The following NCKAP5 variants were observed in gnomAD, a reference collection of about 807,000 sequenced individuals.
NCKAP5 encodes NCK associated protein 5, also known as nck-associated protein 5.
A neutral mutation model predicts 167.0 loss-of-function variants in NCKAP5; 92 were observed. That is an observed-to-expected ratio of 0.55 (90% confidence interval 0.47 to 0.66). NCKAP5 has a LOEUF of 0.66. NCKAP5 is among the 30% of genes least tolerant of loss of function. The pLI, the probability that NCKAP5 is intolerant of heterozygous loss-of-function variation, is 0.00. For synonymous variants in NCKAP5, 891 were observed against 877.4 expected, an observed-to-expected ratio of 1.02 and a Z score of -0.27; for missense variants, 2,378 against 2,315.0, an observed-to-expected ratio of 1.03 and a Z score of -0.56.
chr2:132,952,943 T>C (rs1338248606), intron 8 of NCKAP5, among the ~76,000 whole-genome samples: 1 of 152,174 alleles, frequency 6.6e-6, no homozygotes, highest in East Asian at 1.9e-4. Context: ...AGCTTCACTG[T>C]GGAAAGTGAA....
At chr2:132,758,015 C>T (rs530543250) in intron 16 of NCKAP5, among the ~76,000 whole-genome samples, 10 of 152,326 alleles carry the variant, frequency 6.6e-5, no homozygotes, top group African/African-American at 2.2e-4. Flanking sequence ...AAACTTCCCC[C>T]TTTCCTCCAC....
chr2:132,932,922 T>C (rs1003987165), intron 8 of NCKAP5, among the ~76,000 whole-genome samples: 2 of 93,752 alleles, frequency 2.1e-5, no homozygotes, highest in Non-Finnish European at 3.4e-5. Context: ...TATCCTCTAC[T>C]TTTTTTTTTT....
intron 3 of NCKAP5, among the ~76,000 whole-genome samples, chr2:133,455,670 C>A (rs1691804878): frequency 2.0e-5 from 3 of 152,016 alleles, no homozygotes; most frequent in African/African-American, 7.2e-5. Context: ...AATACCATCA[C>A]CATATATTAA....
chr2:133,515,236 C>G (rs960549428), intron 3 of NCKAP5, among the ~76,000 whole-genome samples: 7 of 152,200 alleles, frequency 4.6e-5, no homozygotes, highest in Non-Finnish European at 1.0e-4. Flanking sequence ...AAAGAATACT[C>G]TAGCTGCTAT....
At chr2:133,168,280 ATTTTTTTT>A (rs35632445) in intron 5 of NCKAP5, among the ~76,000 whole-genome samples, 9 of 126,010 alleles carry the variant, frequency 7.1e-5, no homozygotes, top group African/African-American at 2.8e-4. Context: ...AACTGATAAC[ATTTTTTTT>A]TTTTTTTTTT....
the NCKAP5 span, among the ~76,000 whole-genome samples, chr2:133,654,105 T>C: frequency 2.0e-5 from 3 of 152,204 alleles, no homozygotes; most frequent in African/African-American, 7.2e-5. Context: ...ATTCCTCAGC[T>C]GGGCGCGCTG....
chr2:132,775,933 G>A (rs1249251572), intron 15 of NCKAP5, among the ~76,000 whole-genome samples: 1 of 152,072 alleles, frequency 6.6e-6, no homozygotes, highest in East Asian at 1.9e-4. Context: ...AAACCTGTTG[G>A]ACTGTCAGTA....
At chr2:132,675,306 C>A (rs1328097084) in intron 19 of NCKAP5, among the ~76,000 whole-genome samples, 1 of 152,172 alleles carries the variant, frequency 6.6e-6, no homozygotes, top group African/African-American at 2.4e-5. Context: ...TACAAGCATC[C>A]TTCTTCAGGT....
At chr2:133,087,774 T>A (rs1382093139) in intron 6 of NCKAP5, among the ~76,000 whole-genome samples, 1 of 152,184 alleles carries the variant, frequency 6.6e-6, no homozygotes, top group East Asian at 1.9e-4. Flanking sequence ...CCCAGAATGG[T>A]AATGCACAGA....
chr2:132,994,701 C>A (rs1021266897), intron 6 of NCKAP5, among the ~76,000 whole-genome samples: 1 of 152,196 alleles, frequency 6.6e-6, no homozygotes, highest in Admixed American at 6.5e-5. Context: ...TTACTTCATT[C>A]TTCTCAACTA....
intron 16 of NCKAP5, among the ~76,000 whole-genome samples, chr2:132,771,839 ATTTTTTTTTTT>A (rs70973406): frequency 3.0e-5 from 3 of 100,804 alleles, no homozygotes; most frequent in South Asian, 3.5e-4. Flanking sequence ...CGCCCGGCTA[ATTTTTTTTTTT>A]TTTTTTTTTT....
intron 2 of NCKAP5, among the ~76,000 whole-genome samples, chr2:133,526,238 AGGG>A (rs1558755450): frequency 3.1e-4 from 16 of 50,874 alleles, no homozygotes; most frequent in African/African-American, 1.2e-3. Context: ...AAAGGAAAGG[AGGG>A]AGGGAAGGAG....
intron 3 of NCKAP5, among the ~76,000 whole-genome samples, chr2:133,348,615 A>T (rs998159562): frequency 3.3e-5 from 5 of 152,140 alleles, no homozygotes; most frequent in African/African-American, 1.2e-4. Flanking sequence ...TATGCTATTG[A>T]TCATGAGAAA....
intron 4 of NCKAP5, among the ~76,000 whole-genome samples, chr2:133,222,200 T>G (rs1181438553): frequency 3.3e-5 from 5 of 152,148 alleles, no homozygotes; most frequent in Non-Finnish European, 5.9e-5. Context: ...CTTTTGTTTT[T>G]GTCAGTTATG....
intron 9 of NCKAP5, among the ~76,000 whole-genome samples, chr2:132,874,519 C>G (rs544944550): frequency 6.6e-6 from 1 of 152,164 alleles, no homozygotes; most frequent in Non-Finnish European, 1.5e-5. Flanking sequence ...ATCAGAGAGA[C>G]AGGTGAGAAA....
In NCKAP5 at chr2:132,938,074, A is replaced by C. The variant is rs531720356; in HGVS notation, c.579+25646T>G. Among the ~76,000 whole-genome samples the C allele has an allele frequency of 1.1e-4, 17 of 152,324 alleles. No homozygotes were observed. The South Asian group carries it at 3.1e-3, about 28-fold the overall frequency. ...GCTCCCTTTTCAATAAATAAATCAC[A>C]AACTAAACATTTTGAAAGTCATCTC... On this transcript the variant is annotated intron_variant, in intron 8 of 19. Coordinates refer to ENST00000409261, the MANE Select transcript of NCKAP5 (RefSeq NM_207363.3).
At chr2:133,540,189 A>G (rs1024723071) in intron 2 of NCKAP5, among the ~76,000 whole-genome samples, 3 of 152,208 alleles carry the variant, frequency 2.0e-5, no homozygotes, top group African/African-American at 7.2e-5. Context: ...TAAAAAGAAA[A>G]AAGAAAAAGA....
chr2:132,711,646 T>C (rs988025251), intron 19 of NCKAP5, among the ~76,000 whole-genome samples: 7 of 152,352 alleles, frequency 4.6e-5, no homozygotes, highest in East Asian at 1.9e-4. Context: ...AGTATGAGTA[T>C]AGTCTTTATC....
At chr2:133,075,990 AG>A (rs1313657384) in intron 6 of NCKAP5, among the ~76,000 whole-genome samples, 2 of 152,192 alleles carry the variant, frequency 1.3e-5, no homozygotes, top group African/African-American at 4.8e-5. Context: ...AATATAAAAA[AG>A]TGAAAGGATA....
Sources: gnomAD v4.1 joint callset for allele counts (sites outside exome capture counted in the v4.1 genomes callset) on GRCh38, gnomAD v4.1.1 for gene constraint, MANE v1.5 for transcripts, NCBI Gene and HGNC (gene_info 2026-07-23, HGNC 2026-07-21) for gene names.